SLC8A3: variants seen among roughly 807,000 people sequenced by gnomAD.
SLC8A3 encodes the protein sodium/calcium exchanger 3.
A neutral mutation model predicts 65.4 loss-of-function variants in SLC8A3; 37 were observed. That is an observed-to-expected ratio of 0.57 (90% confidence interval 0.44 to 0.74). The LOEUF (loss-of-function observed/expected upper bound fraction) is 0.74, where lower values mean the gene tolerates loss of function less well. SLC8A3 is among the 30% of genes least tolerant of loss of function. The pLI is 0.00. For synonymous variants in SLC8A3, 461 were observed against 444.5 expected, an observed-to-expected ratio of 1.04 and a Z score of -0.47; for missense variants, 1,112 against 1,172.1, an observed-to-expected ratio of 0.95 and a Z score of 0.75.
At chr14:70,144,409 C>G (rs1344879551) in intron 2 of SLC8A3, among the ~76,000 whole-genome samples, 1 of 142,008 alleles carries the variant, frequency 7.0e-6, no homozygotes, top group Non-Finnish European at 1.5e-5. Flanking sequence ...GCGAGTAGAT[C>G]ACTTGAGGTC....
At chr14:70,156,548 A>G (rs546077441) in intron 2 of SLC8A3, among the ~76,000 whole-genome samples, 1 of 152,318 alleles carries the variant, frequency 6.6e-6, no homozygotes, top group African/African-American at 2.4e-5. Context: ...TGGAGCTGAC[A>G]CAAAAGGACG....
At chr14:70,130,672 A>G (rs17765251) in intron 2 of SLC8A3, among the ~76,000 whole-genome samples, 17,694 of 152,328 alleles carry the variant, frequency 0.12, 1,232 homozygotes, top group Non-Finnish European at 0.16. Flanking sequence ...ACAACAGTCC[A>G]TCTTGGCGCC....
chr14:70,073,973 G>A (rs1183597862), intron 2 of SLC8A3, among the ~76,000 whole-genome samples: 3 of 152,188 alleles, frequency 2.0e-5, no homozygotes, highest in Non-Finnish European at 2.9e-5. Flanking sequence ...TCCCTGGGCT[G>A]AGCAGAGAAA....
intron 2 of SLC8A3, among the ~76,000 whole-genome samples, chr14:70,091,602 G>A (rs1239052923): frequency 6.6e-6 from 1 of 152,062 alleles, no homozygotes; most frequent in Non-Finnish European, 1.5e-5. Flanking sequence ...TCTGGTGTCG[G>A]AGCCACGCAC....
chr14:70,049,266 G>A (rs1186296320), intron 5 of SLC8A3, among the ~76,000 whole-genome samples: 3 of 152,160 alleles, frequency 2.0e-5, no homozygotes, highest in Admixed American at 1.3e-4. Context: ...AGGTAGAGTG[G>A]GAGAGAGAGG....
intron 2 of SLC8A3, among the ~76,000 whole-genome samples, chr14:70,163,614 G>C (rs2140353032): frequency 1.3e-5 from 2 of 152,310 alleles, no homozygotes; most frequent in East Asian, 3.9e-4. Flanking sequence ...AATTAGCACA[G>C]CCTCTGGTTC....
At position 70,169,695 on chromosome 14, in the gene SLC8A3, G is replaced by GC. The variant is rs1421479662; in HGVS notation, c.-62-1212_-62-1211insG. ...ATAGCTAAAAAAAAAAAAAAGTGGGGGGGGGGGCGATCTTTCTCCCTCTGC... is the reference window on the plus strand; with the variant it reads ...ATAGCTAAAAAAAAAAAAAAGTGGGGCGGGGGGGCGATCTTTCTCCCTCTGC... On this transcript the variant is annotated intron_variant, in intron 1 of 6. Transcript: ENST00000356921. Among the ~76,000 whole-genome samples the GC allele has an allele frequency of 4.1e-5, 6 of 145,708 alleles. No individual in the cohort carries two copies. In the East Asian group the frequency reaches 1.3e-3, roughly 32 times the overall value.
chr14:70,059,884 G>A (rs1888584921), intron 3 of SLC8A3, among the ~76,000 whole-genome samples: 1 of 152,078 alleles, frequency 6.6e-6, no homozygotes, highest in Non-Finnish European at 1.5e-5. Flanking sequence ...TGGGGCCCCT[G>A]GCTACGGGAA....
chr14:70,069,158 T>C (rs150951), intron 2 of SLC8A3, among the ~76,000 whole-genome samples: 15,211 of 152,274 alleles, frequency 0.1, 923 homozygotes, highest in African/African-American at 0.16. Context: ...TTATTTCTTA[T>C]GCAGGTGGGT....
At chr14:70,072,847 C>A (rs1037227181) in intron 2 of SLC8A3, among the ~76,000 whole-genome samples, 1 of 152,142 alleles carries the variant, frequency 6.6e-6, no homozygotes, top group Non-Finnish European at 1.5e-5. Context: ...GGGGTTTTGC[C>A]ATGTTGGCCC....
At chr14:70,128,102 G>C (rs932035923) in intron 2 of SLC8A3, among the ~76,000 whole-genome samples, 2 of 152,116 alleles carry the variant, frequency 1.3e-5, no homozygotes, top group Non-Finnish European at 2.9e-5. Context: ...CTTACTTAAG[G>C]GCAATCCTAT....
chr14:70,169,391 A>G (rs1476579376), intron 1 of SLC8A3, among the ~76,000 whole-genome samples: 1 of 152,202 alleles, frequency 6.6e-6, no homozygotes, highest in Non-Finnish European at 1.5e-5. Context: ...TAACAGGAAG[A>G]TGATCATCCG....
chr14:70,106,768 C>G (rs1291589781), intron 2 of SLC8A3, among the ~76,000 whole-genome samples: 4 of 152,056 alleles, frequency 2.6e-5, no homozygotes, highest in Non-Finnish European at 5.9e-5. Context: ...CAAAAGGTTG[C>G]ACAGGGTGTA....
intron 1 of SLC8A3, among the ~76,000 whole-genome samples, chr14:70,173,228 A>G (rs1253576591): frequency 1.3e-5 from 2 of 152,214 alleles, no homozygotes; most frequent in Non-Finnish European, 2.9e-5. Flanking sequence ...AGTGGGCAAG[A>G]CAGGAGCAGG....
intron 1 of SLC8A3, among the ~76,000 whole-genome samples, chr14:70,182,835 G>T (rs141906750): frequency 6.6e-6 from 1 of 152,180 alleles, no homozygotes; most frequent in Admixed American, 6.5e-5. Context: ...GAAGAAGAAA[G>T]ACACTTCAGA....
chr14:70,142,715 C>T (rs1895659470), intron 2 of SLC8A3, among the ~76,000 whole-genome samples: 1 of 152,176 alleles, frequency 6.6e-6, no homozygotes, highest in Admixed American at 6.5e-5. Flanking sequence ...ACTAAAAAGT[C>T]ATTATCTGAA....
intron 2 of SLC8A3, among the ~76,000 whole-genome samples, chr14:70,068,734 T>C (rs1252462602): frequency 1.3e-5 from 2 of 152,066 alleles, no homozygotes; most frequent in Non-Finnish European, 2.9e-5. Context: ...TATTATTTTA[T>C]TTATTTATTT....
intron 2 of SLC8A3, among the ~76,000 whole-genome samples, chr14:70,106,577 T>C (rs892080383): frequency 2.0e-5 from 3 of 152,118 alleles, no homozygotes; most frequent in African/African-American, 7.3e-5. Flanking sequence ...GTGAGAATGG[T>C]AATAATCTTT....
intron 2 of SLC8A3, among the ~76,000 whole-genome samples, chr14:70,155,618 C>T (rs1361330431): frequency 1.3e-5 from 2 of 152,192 alleles, no homozygotes; most frequent in African/African-American, 2.4e-5. Flanking sequence ...AAGTGGAATT[C>T]TATGTTTTCA....
Sources: allele counts gnomAD v4.1 joint callset (sites outside exome capture counted in the v4.1 genomes callset), GRCh38; gene constraint gnomAD v4.1.1; transcripts MANE v1.5; gene names NCBI Gene and HGNC (gene_info 2026-07-23, HGNC 2026-07-21).